HCN1: variants seen among roughly 807,000 people sequenced by gnomAD.
HCN1 encodes the protein potassium/sodium hyperpolarization-activated cyclic nucleotide-gated channel 1.
Under a neutral mutation model 78.9 loss-of-function variants are expected in HCN1, and 13 were observed. The ratio of observed to expected loss-of-function variants is 0.16; its 90% CI spans 0.11 to 0.26. HCN1 has a LOEUF of 0.26. Ranked by LOEUF, HCN1 falls within the 10% of genes least tolerant of loss-of-function variation. The pLI is 1.00. For synonymous variants in HCN1, 552 were observed against 455.5 expected (o/e 1.21, Z -2.70); for missense variants, 810 against 1,154.3 (o/e 0.70, Z 4.32).
At chr5:45,683,371 G>A (rs545386077) in intron 1 of HCN1, among the ~76,000 whole-genome samples, 87 of 152,086 alleles carry the variant, frequency 5.7e-4, no homozygotes, top group African/African-American at 1.9e-3. Context: ...TATCTTAGAA[G>A]CAGCCATCTT....
intron 6 of HCN1, among the ~76,000 whole-genome samples, chr5:45,286,808 A>T (rs528785970): frequency 1.3e-5 from 2 of 152,160 alleles, no homozygotes; most frequent in East Asian, 3.9e-4. Context: ...TACTTCTGGC[A>T]TTTTAAATTT....
chr5:45,455,148 T>C (rs78436797), intron 3 of HCN1, among the ~76,000 whole-genome samples: 4,618 of 152,074 alleles, frequency 0.03, 233 homozygotes, highest in African/African-American at 0.11. Context: ...CAGACTGTAC[T>C]CCCTGGGTAT....
At chr5:45,400,691 G>C (rs555032541) in intron 3 of HCN1, among the ~76,000 whole-genome samples, 2 of 152,222 alleles carry the variant, frequency 1.3e-5, no homozygotes, top group South Asian at 4.1e-4. Flanking sequence ...ACAGGCATGA[G>C]CCACTGTGCC....
At chr5:45,422,574 C>A (rs771767007) in intron 3 of HCN1, among the ~76,000 whole-genome samples, 1 of 152,030 alleles carries the variant, frequency 6.6e-6, no homozygotes, top group Non-Finnish European at 1.5e-5. Context: ...ACATTTAGTC[C>A]ATAAAAATGT....
At chr5:45,605,357 G>T (rs966331600) in intron 2 of HCN1, among the ~76,000 whole-genome samples, 6 of 151,836 alleles carry the variant, frequency 4.0e-5, no homozygotes, top group Non-Finnish European at 5.9e-5. Flanking sequence ...AATTAGTTAT[G>T]CAGGAGAATA....
intron 3 of HCN1, among the ~76,000 whole-genome samples, chr5:45,431,524 A>G (rs1163248016): frequency 6.6e-6 from 1 of 152,152 alleles, no homozygotes; most frequent in Non-Finnish European, 1.5e-5. Context: ...TATGTCCAGA[A>G]TGGTATTTCC....
At chr5:45,353,004 T>C in intron 5 of HCN1, 96 bp downstream of exon 5, 2 of 1,042,124 alleles carry the variant, frequency 1.9e-6, no homozygotes, top group Non-Finnish European at 1.5e-6. Flanking sequence ...TAAGTTTAGG[T>C]TTTTCTTTAG....
chr5:45,371,952 AATATAATTATATATTATATT>A (rs1747379017), intron 4 of HCN1, among the ~76,000 whole-genome samples: 1 of 97,520 alleles, frequency 1.0e-5, no homozygotes, highest in Admixed American at 1.8e-4. Context: ...TATATAATAT[AATATAATTATATATTATATT>A]ATGTATATTA....
chr5:45,327,746 C>G (rs1377708287), intron 5 of HCN1, among the ~76,000 whole-genome samples: 1 of 151,540 alleles, frequency 6.6e-6, no homozygotes, highest in Non-Finnish European at 1.5e-5. Flanking sequence ...GACTGGCTGA[C>G]TGGCGTCCTT....
intron 4 of HCN1, among the ~76,000 whole-genome samples, chr5:45,379,761 G>GT (rs1463681947): frequency 6.6e-6 from 1 of 151,878 alleles, no homozygotes; most frequent in African/African-American, 2.4e-5. Flanking sequence ...CTTAGATTCT[G>GT]TTTTTTATTA....
intron 6 of HCN1, among the ~76,000 whole-genome samples, chr5:45,285,279 C>A (rs1455978117): frequency 6.6e-6 from 1 of 151,988 alleles, no homozygotes; most frequent in Admixed American, 6.6e-5. Context: ...ACAAGTGGGC[C>A]AATGCACATG....
chr5:45,475,764 G>A (rs1382672592), intron 2 of HCN1, among the ~76,000 whole-genome samples: 1 of 152,062 alleles, frequency 6.6e-6, no homozygotes, highest in East Asian at 1.9e-4. Flanking sequence ...AGAGAAGATA[G>A]TATTTTATAT....
intron 2 of HCN1, among the ~76,000 whole-genome samples, chr5:45,484,297 T>G (rs977245377): frequency 1.3e-5 from 2 of 151,704 alleles, no homozygotes; most frequent in Non-Finnish European, 2.9e-5. Context: ...TAGCCAGGCG[T>G]GGTGATAGGT....
intron 5 of HCN1, among the ~76,000 whole-genome samples, chr5:45,345,913 T>C (rs1746692524): frequency 6.6e-6 from 1 of 152,204 alleles, no homozygotes; most frequent in African/African-American, 2.4e-5. Context: ...CTCATGCTGC[T>C]AATAAAGACA....
chr5:45,435,251 G>T (rs1034009665), intron 3 of HCN1, among the ~76,000 whole-genome samples: 1 of 151,920 alleles, frequency 6.6e-6, no homozygotes, highest in African/African-American at 2.4e-5. Context: ...GTATTGATAC[G>T]ATGACTGAAG....
At chr5:45,263,915 T>G (rs1038487183) in intron 7 of HCN1, among the ~76,000 whole-genome samples, 1 of 152,158 alleles carries the variant, frequency 6.6e-6, no homozygotes, top group African/African-American at 2.4e-5. Context: ...TGCCTTAGCC[T>G]CCTGAGTAGC....
intron 2 of HCN1, among the ~76,000 whole-genome samples, chr5:45,525,955 G>C (rs1742728410): frequency 6.6e-6 from 1 of 151,902 alleles, no homozygotes; most frequent in African/African-American, 2.4e-5. Flanking sequence ...AAGAAGGAGA[G>C]CTAACCCTTT....
At chr5:45,287,253 C>T (rs1745287197) in intron 6 of HCN1, among the ~76,000 whole-genome samples, 1 of 151,498 alleles carries the variant, frequency 6.6e-6, no homozygotes, top group East Asian at 1.9e-4. Context: ...AGTGAAAGTC[C>T]CAGCCCTGTC....
intron 2 of HCN1, among the ~76,000 whole-genome samples, chr5:45,630,325 G>T (rs1353566445): frequency 6.6e-6 from 1 of 152,140 alleles, no homozygotes; most frequent in Admixed American, 6.5e-5. Context: ...TAATTTACTA[G>T]CTGTGCAATA....
Sources: gnomAD v4.1 joint callset for allele counts (sites outside exome capture counted in the v4.1 genomes callset) on GRCh38, gnomAD v4.1.1 for gene constraint, MANE v1.5 for transcripts, NCBI Gene and HGNC (gene_info 2026-07-23, HGNC 2026-07-21) for gene names.